CNTN4: variants seen among roughly 807,000 people sequenced by gnomAD.
CNTN4 encodes contactin-4.
A neutral mutation model predicts 122.5 loss-of-function variants in CNTN4; 77 were observed. That is an observed-to-expected ratio of 0.63 (90% CI 0.52 to 0.76). The LOEUF is 0.76. Ranked by LOEUF, CNTN4 falls within the 30% of genes least tolerant of loss-of-function variation. The probability of loss-of-function intolerance (pLI) is 0.00; values close to 1 mark genes in which losing one functional copy is unlikely to be tolerated. For missense variants in CNTN4, 1,256 were observed against 1,259.1 expected, an observed-to-expected ratio of 1.00 and a Z score of 0.04; for synonymous variants, 512 against 447.0, an observed-to-expected ratio of 1.15 and a Z score of -1.83.
At chr3:2,521,809 G>C (rs2077228536) in intron 3 of CNTN4, among the ~76,000 whole-genome samples, 1 of 152,072 alleles carries the variant, frequency 6.6e-6, no homozygotes, top group East Asian at 1.9e-4. Flanking sequence ...AGGAGTTACA[G>C]AGTAGATGAC....
chr3:2,778,235 A>G (rs1165905488), intron 6 of CNTN4, among the ~76,000 whole-genome samples: 1 of 150,038 alleles, frequency 6.7e-6, no homozygotes, highest in Non-Finnish European at 1.5e-5. Flanking sequence ...TAAATAAATA[A>G]ATAAATAAAT....
intron 3 of CNTN4, among the ~76,000 whole-genome samples, chr3:2,412,077 G>A (rs566842407): frequency 5.3e-5 from 8 of 152,094 alleles, no homozygotes; most frequent in Admixed American, 2.0e-4. Flanking sequence ...CCAAAAGTAC[G>A]TACTGTTTTA....
chr3:2,519,076 A>AATT, intron 3 of CNTN4, among the ~76,000 whole-genome samples: 1 of 152,164 alleles, frequency 6.6e-6, no homozygotes, highest in Non-Finnish European at 1.5e-5. Context: ...TCTAGTGATA[A>AATT]GAATGTTTCT....
chr3:2,771,311 G>A (rs531051920), intron 6 of CNTN4, among the ~76,000 whole-genome samples: 126 of 152,278 alleles, frequency 8.3e-4, no homozygotes, highest in African/African-American at 2.9e-3. Flanking sequence ...ACATGGGAAG[G>A]TACTCTCTCT....
chr3:2,837,492 T>A (rs1478949703), intron 7 of CNTN4, among the ~76,000 whole-genome samples: 1 of 152,170 alleles, frequency 6.6e-6, no homozygotes, highest in Non-Finnish European at 1.5e-5. Flanking sequence ...CTGGGGCAAG[T>A]GTGCAGTGAC....
chr3:2,781,552 C>T (rs1386903367), intron 6 of CNTN4, among the ~76,000 whole-genome samples: 5 of 151,976 alleles, frequency 3.3e-5, no homozygotes, highest in Admixed American at 3.3e-4. Flanking sequence ...ACACAGCCCT[C>T]AGGAGGTCCT....
At chr3:2,343,139 G>C (rs1372567166) in intron 3 of CNTN4, among the ~76,000 whole-genome samples, 1 of 152,192 alleles carries the variant, frequency 6.6e-6, no homozygotes, top group Admixed American at 6.5e-5. Context: ...TTCATCTTCA[G>C]CTGAGGCAGG....
intron 3 of CNTN4, among the ~76,000 whole-genome samples, chr3:2,434,047 T>C (rs992623706): frequency 6.6e-6 from 1 of 152,060 alleles, no homozygotes; most frequent in Non-Finnish European, 1.5e-5. Flanking sequence ...GGGTGCAAAG[T>C]TTAATTTAGA....
At chr3:2,572,634 T>C (rs1475990260) in intron 4 of CNTN4, among the ~76,000 whole-genome samples, 1 of 152,200 alleles carries the variant, frequency 6.6e-6, no homozygotes, top group Non-Finnish European at 1.5e-5. Context: ...CACCTGAATA[T>C]ATTTGCATTT....
chr3:2,624,303 A>G (rs1048473323), intron 4 of CNTN4, among the ~76,000 whole-genome samples: 1 of 152,136 alleles, frequency 6.6e-6, no homozygotes, highest in Non-Finnish European at 1.5e-5. Context: ...CTTATGGTCG[A>G]TATGCTGTTT....
At chr3:2,946,629 A>G (rs571207034) in intron 13 of CNTN4, among the ~76,000 whole-genome samples, 4 of 151,932 alleles carry the variant, frequency 2.6e-5, no homozygotes, top group African/African-American at 9.6e-5. Context: ...AATTTGGTAC[A>G]TGCCCTATAA....
At chr3:2,591,064 A>G (rs2080447900) in intron 4 of CNTN4, among the ~76,000 whole-genome samples, 2 of 152,184 alleles carry the variant, frequency 1.3e-5, no homozygotes, top group African/African-American at 4.8e-5. Context: ...TGCCTAGACC[A>G]TCACAATATT....
chr3:2,265,856 T>A (rs1014801899), intron 2 of CNTN4, among the ~76,000 whole-genome samples: 1 of 151,974 alleles, frequency 6.6e-6, no homozygotes, highest in Admixed American at 6.6e-5. Context: ...TTTCTTGATT[T>A]CTTTTTCAGG....
chr3:2,353,754 C>G (rs111639552), intron 3 of CNTN4, among the ~76,000 whole-genome samples: 3 of 152,184 alleles, frequency 2.0e-5, no homozygotes, highest in African/African-American at 7.2e-5. Flanking sequence ...ACAAAATTAG[C>G]CGGGTGTGGT....
chr3:2,900,073 A>G (rs2094156722), intron 10 of CNTN4, among the ~76,000 whole-genome samples: 1 of 152,204 alleles, frequency 6.6e-6, no homozygotes, highest in Admixed American at 6.5e-5. Context: ...TGCTCCACAC[A>G]GTCATTCATG....
At chr3:2,144,498 TTGG>T in intron 2 of CNTN4, among the ~76,000 whole-genome samples, 1 of 152,178 alleles carries the variant, frequency 6.6e-6, no homozygotes, top group South Asian at 2.1e-4. Flanking sequence ...ATCATCAACC[TTGG>T]CTGGACACAC....
chr3:2,400,427 ACATATATATATATATATATATATC>A (rs1210680450), intron 3 of CNTN4, among the ~76,000 whole-genome samples: 3 of 64,438 alleles, frequency 4.7e-5, no homozygotes, highest in Non-Finnish European at 9.9e-5. Flanking sequence ...ATATATATAT[ACATATATATATATATATATATATC>A]TCTTTTTTTC....
intron 7 of CNTN4, among the ~76,000 whole-genome samples, chr3:2,852,815 C>T (rs944349108): frequency 6.6e-6 from 1 of 152,166 alleles, no homozygotes; most frequent in African/African-American, 2.4e-5. Context: ...TAGAACAAAG[C>T]ATGGTCTTGC....
chr3:2,247,638 G>A (rs1330353129), intron 2 of CNTN4, among the ~76,000 whole-genome samples: 7 of 151,910 alleles, frequency 4.6e-5, no homozygotes, highest in Non-Finnish European at 1.5e-5. Flanking sequence ...ATGATAAAAT[G>A]GCTCTAAAAC....
Sources: gnomAD v4.1 joint callset for allele counts (sites outside exome capture counted in the v4.1 genomes callset) on GRCh38, gnomAD v4.1.1 for gene constraint, MANE v1.5 for transcripts, NCBI Gene and HGNC (gene_info 2026-07-23, HGNC 2026-07-21) for gene names.